Variants in FOXJ3 observed in about 807,000 individuals in gnomAD.
The protein encoded by FOXJ3 is forkhead box J3, also known as forkhead box protein J3.
In FOXJ3, 22 loss-of-function variants were observed where a neutral mutation model predicts 76.1. The ratio of observed to expected loss-of-function variants is 0.29; its 90% CI spans 0.21 to 0.41. The LOEUF (loss-of-function observed/expected upper bound fraction) is 0.41, where lower values mean the gene tolerates loss of function less well. Ranked by LOEUF, FOXJ3 falls within the 10% of genes least tolerant of loss-of-function variation. The pLI, the probability that FOXJ3 is intolerant of heterozygous loss-of-function variation, is 1.00. For synonymous variants in FOXJ3, 269 were observed against 261.2 expected (o/e 1.03, Z -0.29); for missense variants, 613 against 762.1 (o/e 0.80, Z 2.30).
chr1:42,303,554 G>A (rs933669793), intron 2 of FOXJ3, among the ~76,000 whole-genome samples: 4 of 152,146 alleles, frequency 2.6e-5, no homozygotes, highest in African/African-American at 7.2e-5. Flanking sequence ...GGAAACAGAC[G>A]AACGGGAAAT....
intron 5 of FOXJ3, among the ~76,000 whole-genome samples, chr1:42,208,330 T>C (rs1469553406): frequency 1.3e-5 from 2 of 152,158 alleles, no homozygotes; most frequent in African/African-American, 4.8e-5. Flanking sequence ...AGTAAAAGGA[T>C]CATTCACCAT....
In FOXJ3 at chr1:42,232,097, C is replaced by A. The variant is rs112775670; in HGVS notation, c.445-4131G>T. ...GTTTGCTGAGAATGATGGTTTCCAG[C>A]CTCATCCATGTCCCTAAAAAGGACA... On this transcript the variant is annotated intron_variant, in intron 4 of 12. Transcript: ENST00000361346. Among the ~76,000 whole-genome samples, 1,027 of 152,324 alleles carry A rather than the reference C, an allele frequency of 6.7e-3. 3 individuals carry two copies. Among genetic ancestry groups the A allele is most frequent in the Non-Finnish European group, 0.01 (701 of 68,030 alleles).
chr1:42,224,457 A>G (rs1208810363), intron 5 of FOXJ3, among the ~76,000 whole-genome samples: 1 of 152,158 alleles, frequency 6.6e-6, no homozygotes, highest in Non-Finnish European at 1.5e-5. Context: ...GGATGGAGCC[A>G]GCCTGGCCAA....
chr1:42,298,094 G>C (rs72954212), intron 2 of FOXJ3, among the ~76,000 whole-genome samples: 1 of 151,922 alleles, frequency 6.6e-6, no homozygotes, highest in African/African-American at 2.4e-5. Context: ...AAGTTCTCAC[G>C]AGATCTGATG....
intron 1 of FOXJ3, among the ~76,000 whole-genome samples, chr1:42,333,484 T>G (rs572066343): frequency 6.6e-6 from 1 of 152,264 alleles, no homozygotes; most frequent in South Asian, 2.1e-4. Context: ...AAGATTCACC[T>G]CAATTCTGAG....
In FOXJ3 at chr1:42,273,398, G is replaced by T. The variant is rs568301265; in HGVS notation, c.369+4950C>A. 3.9e-5 allele frequency among the ~76,000 whole-genome samples: 6 copies of T among 152,210 alleles called. No individual in the cohort carries two copies. In the South Asian group the frequency reaches 8.3e-4, roughly 21 times the overall value. ...AAAGACGAAATCAGCTGAGGACCAG[G>T]CGTGGTGGCTCACACCTGTAATACC... On this transcript the variant is annotated intron_variant, in intron 3 of 12. Coordinates refer to ENST00000361346, the MANE Select transcript of FOXJ3 (RefSeq NM_014947.5).
At chr1:42,276,370 G>A (rs546060766) in intron 3 of FOXJ3, among the ~76,000 whole-genome samples, 2 of 151,994 alleles carry the variant, frequency 1.3e-5, no homozygotes, top group South Asian at 2.1e-4. Flanking sequence ...AAAAGGGGGC[G>A]GGGGAAAGGG....
intron 5 of FOXJ3, among the ~76,000 whole-genome samples, chr1:42,210,748 C>A (rs1416908987): frequency 6.6e-6 from 1 of 152,132 alleles, no homozygotes; most frequent in Admixed American, 6.5e-5. Context: ...CCCTTCCCAC[C>A]CCCATCAGAG....
intron 4 of FOXJ3, among the ~76,000 whole-genome samples, chr1:42,237,405 C>CATACAT (rs1256003745): frequency 3.0e-4 from 42 of 140,760 alleles, no homozygotes; most frequent in African/African-American, 5.6e-4. Context: ...TACATACATA[C>CATACAT]ATATATATAT....
intron 1 of FOXJ3, among the ~76,000 whole-genome samples, chr1:42,318,418 T>C (rs150825332): frequency 1.8e-4 from 27 of 152,322 alleles, no homozygotes; most frequent in African/African-American, 6.5e-4. Flanking sequence ...CTTGGCTCAC[T>C]GCAACCTCCA....
intron 2 of FOXJ3, among the ~76,000 whole-genome samples, chr1:42,284,001 C>T (rs1032006675): frequency 1.3e-5 from 2 of 152,186 alleles, no homozygotes; most frequent in African/African-American, 2.4e-5. Flanking sequence ...AAGCCAGATA[C>T]TGAGCATATG....
intron 4 of FOXJ3, among the ~76,000 whole-genome samples, chr1:42,231,670 C>T (rs116197436): frequency 0.017 from 2,594 of 151,830 alleles, 70 homozygotes; most frequent in African/African-American, 0.06. Flanking sequence ...ACCTCTCAGC[C>T]GTTTCTATTT....
intron 4 of FOXJ3, among the ~76,000 whole-genome samples, chr1:42,261,287 ACTG>A (rs1270801486): frequency 6.6e-6 from 1 of 152,102 alleles, no homozygotes; most frequent in African/African-American, 2.4e-5. Flanking sequence ...ATGGAGATAG[ACTG>A]CAGAATGTAT....
chr1:42,222,928 A>C (rs988138890), intron 5 of FOXJ3, among the ~76,000 whole-genome samples: 3 of 152,232 alleles, frequency 2.0e-5, no homozygotes, highest in African/African-American at 7.2e-5. Flanking sequence ...CTGAAAGCTA[A>C]GCCACATAAC....
chr1:42,183,525 C>T (rs1186983603), intron 11 of FOXJ3, among the ~76,000 whole-genome samples: 4 of 151,910 alleles, frequency 2.6e-5, no homozygotes, highest in Non-Finnish European at 5.9e-5. Context: ...AAACATGACC[C>T]CTCCTCCAAT....
chr1:42,195,044 T>A lies in FOXJ3; in HGVS notation c.780A>T (p.Ser260=), dbSNP rs374565970. ...GCTGAGGAGTTAATGATTGAGAGAC[T>A]GATTCTGGATGGCTTGTCACCTAAC... ...SYTPVTSHPE[S]VSQSLTPQQQ... is the part of the protein sequence containing the mutation. The change falls in exon 8 of 13, where the codon TCA becomes TCT. Residue 260 remains serine, a synonymous_variant. Coordinates refer to ENST00000361346, the MANE Select transcript of FOXJ3 (RefSeq NM_014947.5). 1 of 1,604,614 alleles carries A rather than the reference T, an allele frequency of 6.2e-7. No individual in the cohort carries two copies. The highest frequency in any genetic ancestry group is 1.3e-5 in the African/African-American group (1 of 74,366).
At chr1:42,217,355 C>G (rs1557645286) in intron 5 of FOXJ3, among the ~76,000 whole-genome samples, 1 of 151,990 alleles carries the variant, frequency 6.6e-6, no homozygotes, top group Non-Finnish European at 1.5e-5. Context: ...ATGGCGAAAC[C>G]CCATCTCTAC....
intron 5 of FOXJ3, among the ~76,000 whole-genome samples, chr1:42,208,880 T>C (rs747535433): frequency 5.3e-5 from 8 of 152,070 alleles, no homozygotes; most frequent in South Asian, 2.1e-4. Flanking sequence ...AAGCCACACA[T>C]GAGCAAAAGC....
chr1:42,291,440 G>A (rs1173156408), intron 2 of FOXJ3, among the ~76,000 whole-genome samples: 1 of 152,138 alleles, frequency 6.6e-6, no homozygotes, highest in Non-Finnish European at 1.5e-5. Context: ...AGTGTTAGGA[G>A]AATGAAAAGG....
Sources: gnomAD v4.1 joint callset for allele counts (sites outside exome capture counted in the v4.1 genomes callset) on GRCh38, gnomAD v4.1.1 for gene constraint, MANE v1.5 for transcripts, NCBI Gene and HGNC (gene_info 2026-07-23, HGNC 2026-07-21) for gene names.